SLC71A2: variants seen among roughly 807,000 people sequenced by gnomAD.
SLC71A2 encodes hippocampus abundant transcript-like 1.
the SLC71A2 span, among the ~76,000 whole-genome samples, chr9:94,447,816 T>G: frequency 2.0e-5 from 3 of 152,206 alleles, no homozygotes; most frequent in African/African-American, 7.2e-5. Context: ...AAATCCCTTA[T>G]GCTATGCCTG....
the SLC71A2 span, among the ~76,000 whole-genome samples, chr9:94,401,760 C>A: frequency 3.3e-5 from 5 of 151,208 alleles, no homozygotes; most frequent in Admixed American, 6.6e-5. Context: ...AGAGAGGATT[C>A]CTGGATAGAC....
At chr9:94,385,234 T>C in the SLC71A2 span, among the ~76,000 whole-genome samples, 1 of 152,232 alleles carries the variant, frequency 6.6e-6, no homozygotes, top group East Asian at 1.9e-4. Flanking sequence ...AGTTTTAAAT[T>C]CTGATAAAGT....
At chr9:94,383,487 A>G in the SLC71A2 span, among the ~76,000 whole-genome samples, 2 of 151,940 alleles carry the variant, frequency 1.3e-5, no homozygotes, top group African/African-American at 4.8e-5. Flanking sequence ...TCAAAAATCA[A>G]TTGTCCATAT....
the SLC71A2 span, among the ~76,000 whole-genome samples, chr9:94,399,058 C>T: frequency 8.0e-3 from 1,208 of 151,910 alleles, 19 homozygotes; most frequent in African/African-American, 0.028. Flanking sequence ...TCAGGTGATC[C>T]GCCCACCTTG....
chr9:94,428,983 A>C, the SLC71A2 span, among the ~76,000 whole-genome samples: 1 of 151,972 alleles, frequency 6.6e-6, no homozygotes. Context: ...AGGTTCCTCC[A>C]TGTTTTTTAG....
chr9:94,392,745 T>G, the SLC71A2 span, among the ~76,000 whole-genome samples: 1 of 152,202 alleles, frequency 6.6e-6, no homozygotes, highest in African/African-American at 2.4e-5. Flanking sequence ...GTGATCTGCC[T>G]GCCTTGGCCT....
chr9:94,407,010 C>G, the SLC71A2 span, among the ~76,000 whole-genome samples: 1 of 152,022 alleles, frequency 6.6e-6, no homozygotes, highest in Admixed American at 6.6e-5. Context: ...AGTTTCCAGC[C>G]TTTTTCCAGC....
At chr9:94,451,579 C>T in the SLC71A2 span, 1 of 932,008 alleles carries the variant, frequency 1.1e-6, no homozygotes, top group Non-Finnish European at 1.6e-6. Flanking sequence ...TCCTGATAAC[C>T]ATAGTTTCAC....
At chr9:94,427,349 A>T in the SLC71A2 span, among the ~76,000 whole-genome samples, 1 of 152,136 alleles carries the variant, frequency 6.6e-6, no homozygotes, top group Admixed American at 6.6e-5. Context: ...GAACATTTTT[A>T]GAGGAATTGC....
chr9:94,436,049 A>G, the SLC71A2 span, among the ~76,000 whole-genome samples: 1 of 152,220 alleles, frequency 6.6e-6, no homozygotes, highest in Admixed American at 6.5e-5. Flanking sequence ...CAGTCTTCTT[A>G]TACTCTAATT....
the SLC71A2 span, chr9:94,456,234 T>C: frequency 1.2e-6 from 2 of 1,612,680 alleles, no homozygotes; most frequent in South Asian, 2.2e-5. Context: ...TGTCCTGTCA[T>C]TGCAGGATGA....
At chr9:94,446,943 A>C in the SLC71A2 span, 1 of 1,350,648 alleles carries the variant, frequency 7.4e-7, no homozygotes, top group Non-Finnish European at 1.1e-6. Context: ...GCAGGTGAGT[A>C]GTGAGTGGCT....
chr9:94,431,129 T>C, the SLC71A2 span, among the ~76,000 whole-genome samples: 3 of 152,120 alleles, frequency 2.0e-5, no homozygotes, highest in Non-Finnish European at 2.9e-5. Flanking sequence ...TGGCTTAACA[T>C]GGTGAAACTC....
the SLC71A2 span, among the ~76,000 whole-genome samples, chr9:94,378,345 G>A: frequency 1.9e-4 from 29 of 152,220 alleles, no homozygotes; most frequent in Admixed American, 1.0e-3. Flanking sequence ...GGGAGCAAGA[G>A]AGAGAGGGGA....
At chr9:94,386,258 A>G in the SLC71A2 span, among the ~76,000 whole-genome samples, 1 of 37,098 alleles carries the variant, frequency 2.7e-5, no homozygotes, top group African/African-American at 9.4e-5. Flanking sequence ...ATGTATGTAT[A>G]GAACATATCG....
chr9:94,438,005 T>G, the SLC71A2 span, among the ~76,000 whole-genome samples: 1 of 152,128 alleles, frequency 6.6e-6, no homozygotes, highest in African/African-American at 2.4e-5. Context: ...CTTGGTTCAC[T>G]GCAGCCTCTG....
the SLC71A2 span, among the ~76,000 whole-genome samples, chr9:94,400,480 C>T: frequency 8.0e-4 from 118 of 147,684 alleles, 3 homozygotes; most frequent in South Asian, 0.022. Flanking sequence ...TTCATTTATG[C>T]GCAACTTTTT....
the SLC71A2 span, among the ~76,000 whole-genome samples, chr9:94,420,517 G>A: frequency 4.6e-5 from 7 of 151,642 alleles, no homozygotes; most frequent in Non-Finnish European, 1.5e-5. Context: ...AAGATAATTT[G>A]TTAATCTTTT....
the SLC71A2 span, among the ~76,000 whole-genome samples, chr9:94,400,559 C>T: frequency 1.7e-4 from 18 of 103,846 alleles, no homozygotes; most frequent in East Asian, 5.5e-4. Flanking sequence ...AAAATTCCAG[C>T]TTCCAAATGA....
Sources: allele counts gnomAD v4.1 joint callset (sites outside exome capture counted in the v4.1 genomes callset), GRCh38; gene constraint gnomAD v4.1.1; transcripts MANE v1.5; gene names NCBI Gene and HGNC (gene_info 2026-07-23, HGNC 2026-07-21).